Variants in SHANK2 observed in about 807,000 individuals in gnomAD.
The protein encoded by SHANK2 is SH3 and multiple ankyrin repeat domains 2, also known as SH3 and multiple ankyrin repeat domains protein 2.
A neutral mutation model predicts 133.7 loss-of-function variants in SHANK2; 43 were observed. That is an observed-to-expected ratio of 0.32 (90% CI 0.25 to 0.41). The LOEUF is 0.41. SHANK2 is among the 10% of genes least tolerant of loss of function. The pLI is 1.00. For missense variants in SHANK2, 1,994 were observed against 2,235.8 expected (o/e 0.89, Z 2.18); for synonymous variants, 1,017 against 952.8 (o/e 1.07, Z -1.24).
rs555154667 is a variant in SHANK2 at position 70,549,155 on chromosome 11, C to T, written c.2062-46224G>A. ...CAGCTGTGCACACGGGGGCGCTCGA[C>T]GTGAAAGCTCATGCTGACCACACAG... is the stretch of plus-strand genomic sequence containing the variant. On this transcript the variant is annotated intron_variant, in intron 17 of 25. Coordinates refer to ENST00000601538, the MANE Select transcript of SHANK2 (RefSeq NM_012309.5). 3.3e-5 allele frequency among the ~76,000 whole-genome samples: 5 copies of T among 152,290 alleles called. No homozygotes were observed. In the East Asian group the frequency reaches 5.8e-4, roughly 18 times the overall value.
intron 14 of SHANK2, among the ~76,000 whole-genome samples, chr11:70,781,439 G>A (rs1489833691): frequency 6.6e-6 from 1 of 150,610 alleles, no homozygotes; most frequent in African/African-American, 2.4e-5. Flanking sequence ...TTAAGTTAAG[G>A]AGCCTGTCTG....
At chr11:70,897,750 T>G (rs1282052691) in intron 10 of SHANK2, among the ~76,000 whole-genome samples, 1 of 152,210 alleles carries the variant, frequency 6.6e-6, no homozygotes, top group Non-Finnish European at 1.5e-5. Context: ...CTTCCTTACT[T>G]AGGGCATCTG....
At chr11:70,868,610 A>C (rs569896810) in intron 11 of SHANK2, among the ~76,000 whole-genome samples, 2 of 152,324 alleles carry the variant, frequency 1.3e-5, no homozygotes, top group African/African-American at 4.8e-5. Flanking sequence ...GGCTCAGCCT[A>C]TGGACTGAGC....
At chr11:70,903,988 C>T (rs1310467434) in intron 10 of SHANK2, among the ~76,000 whole-genome samples, 1 of 152,174 alleles carries the variant, frequency 6.6e-6, no homozygotes, top group African/African-American at 2.4e-5. Flanking sequence ...ATTCCCAGCA[C>T]AGACCCTCGA....
At chr11:70,820,298 A>G in intron 12 of SHANK2, 66 bp downstream of exon 12, 1 of 590,144 alleles carries the variant, frequency 1.7e-6, no homozygotes, top group South Asian at 2.2e-5. Flanking sequence ...GGCCACCCCA[A>G]GTTGGAGGAG....
intron 5 of SHANK2, 151 bp downstream of exon 5, chr11:71,113,142 C>T (rs1373059680): frequency 2.7e-6 from 2 of 729,282 alleles, no homozygotes; most frequent in Non-Finnish European, 4.6e-6. Flanking sequence ...ACCGTAAGGG[C>T]CAGTCTGCCT....
chr11:70,657,651 G>A (rs1463684360), intron 17 of SHANK2, among the ~76,000 whole-genome samples: 1 of 152,202 alleles, frequency 6.6e-6, no homozygotes, highest in African/African-American at 2.4e-5. Flanking sequence ...TGGGTTATCT[G>A]TGATAATCAT....
At chr11:71,217,876 A>C (rs1954446157) in intron 2 of SHANK2, among the ~76,000 whole-genome samples, 3 of 152,200 alleles carry the variant, frequency 2.0e-5, no homozygotes. Flanking sequence ...TTTGAGACAG[A>C]GTCTCGCTCT....
At position 70,754,461 on chromosome 11, in the gene SHANK2, T is replaced by G. The variant is rs192305560; in HGVS notation, c.1777+43982A>C. On this transcript the variant is annotated intron_variant, in intron 14 of 25. Transcript: ENST00000601538. Reference sequence around the variant, plus strand: ...AAGGCTGGTTCAATATTTGAAAAATTTATTGATGTAAGCCACCATATAAAC... The same window carrying G: ...AAGGCTGGTTCAATATTTGAAAAATGTATTGATGTAAGCCACCATATAAAC... 2.6e-5 allele frequency among the ~76,000 whole-genome samples: 4 copies of G among 152,316 alleles called. No individual in the cohort carries two copies. The East Asian group carries it at 7.7e-4, about 29-fold the overall frequency.
intron 2 of SHANK2, among the ~76,000 whole-genome samples, chr11:71,167,228 T>C (rs1255840257): frequency 6.6e-6 from 1 of 152,196 alleles, no homozygotes; most frequent in Non-Finnish European, 1.5e-5. Flanking sequence ...TCTCAATCTT[T>C]TCCCCACCTT....
At position 70,500,744 on chromosome 11, in the gene SHANK2, G is replaced by T. The variant is rs2059038595; in HGVS notation, c.2288-154C>A. 1 of 988,148 alleles carries T rather than the reference G, an allele frequency of 1.0e-6. No individual in the cohort carries two copies. The highest frequency in any genetic ancestry group is 1.6e-5 in the African/African-American group (1 of 62,344). The allele number at this position is 988,148 out of a possible 1,614,324, so 61.2% of individuals were successfully genotyped here. A position where few individuals can be genotyped will look rare whatever the true frequency, so the allele number is the denominator to read the frequency against. On this transcript the variant is annotated intron_variant, in intron 20 of 25. Coordinates refer to ENST00000601538, the MANE Select transcript of SHANK2 (RefSeq NM_012309.5). The surrounding 1 kb of genome is among the most constrained non-coding windows in gnomAD (Gnocchi z 4.5). Reference sequence around the variant, plus strand: ...GCTGTCTGGAACGCTGCGAACGCAGGCTGCGCTATCCATGGAGTGGCTTTC... The same window carrying T: ...GCTGTCTGGAACGCTGCGAACGCAGTCTGCGCTATCCATGGAGTGGCTTTC...
intron 15 of SHANK2, among the ~76,000 whole-genome samples, chr11:70,684,281 C>A (rs1391157355): frequency 3.9e-5 from 6 of 152,168 alleles, no homozygotes; most frequent in African/African-American, 1.4e-4. Flanking sequence ...AGGCACACTC[C>A]TGGCTGGGCA....
chr11:70,619,000 C>T (rs1487719510), intron 17 of SHANK2, among the ~76,000 whole-genome samples: 3 of 152,166 alleles, frequency 2.0e-5, no homozygotes, highest in Admixed American at 2.0e-4. Context: ...TGCACAGCCG[C>T]CCCAGTCCCT....
At chr11:70,827,670 G>T (rs530079628) in intron 11 of SHANK2, among the ~76,000 whole-genome samples, 1 of 132,858 alleles carries the variant, frequency 7.5e-6, no homozygotes, top group South Asian at 2.6e-4. Context: ...GTTGCTAAGA[G>T]AACTGCTTCA....
intron 2 of SHANK2, among the ~76,000 whole-genome samples, chr11:71,209,683 G>A (rs1555118558): frequency 6.6e-6 from 1 of 152,226 alleles, no homozygotes; most frequent in Admixed American, 6.5e-5. Context: ...TCAATGTGCT[G>A]GGTGCTCCTG....
At chr11:71,085,013 T>C (rs1489667208) in intron 8 of SHANK2, among the ~76,000 whole-genome samples, 2 of 152,218 alleles carry the variant, frequency 1.3e-5, no homozygotes, top group Non-Finnish European at 1.5e-5. Flanking sequence ...CTGGGTTTGC[T>C]ACGGGTCCTA....
At chr11:71,219,545 G>A (rs1954492805) in intron 2 of SHANK2, among the ~76,000 whole-genome samples, 1 of 151,898 alleles carries the variant, frequency 6.6e-6, no homozygotes, top group Non-Finnish European at 1.5e-5. Context: ...AAACCACAAT[G>A]AAATACCACA....
intron 2 of SHANK2, among the ~76,000 whole-genome samples, chr11:71,179,696 T>C (rs954595448): frequency 3.9e-5 from 6 of 152,190 alleles, no homozygotes; most frequent in African/African-American, 1.4e-4. Flanking sequence ...ATTGGAATCC[T>C]TGAAAAAACT....
chr11:70,885,428 C>T (rs1180244919), intron 11 of SHANK2, among the ~76,000 whole-genome samples: 2 of 152,196 alleles, frequency 1.3e-5, no homozygotes, highest in Non-Finnish European at 2.9e-5. Flanking sequence ...CAGTGGGACA[C>T]ACTTCCCAGC....
Sources: allele counts gnomAD v4.1 joint callset (sites outside exome capture counted in the v4.1 genomes callset), GRCh38; gene constraint gnomAD v4.1.1; non-coding constraint Gnocchi (gnomAD v3.1); transcripts MANE v1.5; gene names NCBI Gene and HGNC (gene_info 2026-07-23, HGNC 2026-07-21).